Variants in GPC6 observed in about 807,000 individuals in gnomAD.
The protein encoded by GPC6 is glypican 6, also known as glypican-6.
In GPC6, 14 loss-of-function variants were observed where a neutral mutation model predicts 55.2. The observed-to-expected ratio is 0.25, with a 90% CI of 0.17 to 0.40. GPC6 has a LOEUF of 0.40. Among genes scored for constraint, GPC6 ranks in the 10% least tolerant of loss-of-function variants. GPC6 has a pLI of 1.00. For synonymous variants in GPC6, 278 were observed against 259.6 expected (o/e 1.07, Z -0.68); for missense variants, 641 against 708.5 (o/e 0.90, Z 1.08).
chr13:93,467,709 T>G (rs1878963199), intron 1 of GPC6, among the ~76,000 whole-genome samples: 1 of 149,752 alleles, frequency 6.7e-6, no homozygotes, highest in Non-Finnish European at 1.5e-5. Context: ...TTCAGCCTCC[T>G]AAGTTGTTGG....
At chr13:94,372,938 C>G (rs1004916595) in intron 6 of GPC6, among the ~76,000 whole-genome samples, 4 of 152,130 alleles carry the variant, frequency 2.6e-5, no homozygotes, top group African/African-American at 9.7e-5. Context: ...TGGGAGGCAC[C>G]CCCCAGCAGG....
At chr13:94,192,246 C>A (rs1218597851) in intron 4 of GPC6, among the ~76,000 whole-genome samples, 3 of 152,136 alleles carry the variant, frequency 2.0e-5, no homozygotes, top group African/African-American at 4.8e-5. Context: ...GCTAGTTAAT[C>A]TTTGCAGCAA....
At chr13:93,463,700 G>C (rs1050997511) in intron 1 of GPC6, among the ~76,000 whole-genome samples, 1 of 151,990 alleles carries the variant, frequency 6.6e-6, no homozygotes, top group Admixed American at 6.6e-5. Flanking sequence ...ACCACATTCT[G>C]GAACGCCTTT....
intron 1 of GPC6, among the ~76,000 whole-genome samples, chr13:93,397,209 T>A (rs1875890626): frequency 1.3e-5 from 2 of 152,216 alleles, no homozygotes; most frequent in South Asian, 4.1e-4. Flanking sequence ...ATAATTCACA[T>A]CCTGTACAGT....
chr13:93,964,630 G>T (rs1879938820), intron 3 of GPC6, among the ~76,000 whole-genome samples: 1 of 152,200 alleles, frequency 6.6e-6, no homozygotes, highest in African/African-American at 2.4e-5. Context: ...AGTGGGTAGT[G>T]CGTATAGTAA....
chr13:93,502,365 A>C (rs1468258788), intron 1 of GPC6, among the ~76,000 whole-genome samples: 3 of 152,134 alleles, frequency 2.0e-5, no homozygotes, highest in Non-Finnish European at 4.4e-5. Flanking sequence ...GTAAATAACA[A>C]TATTTTAAAT....
At chr13:94,127,003 A>G (rs1054891961) in intron 4 of GPC6, among the ~76,000 whole-genome samples, 3 of 152,120 alleles carry the variant, frequency 2.0e-5, no homozygotes, top group Non-Finnish European at 4.4e-5. Context: ...AAATTATATT[A>G]TCTCTTAAGA....
At chr13:94,163,836 C>T (rs1246391278) in intron 4 of GPC6, among the ~76,000 whole-genome samples, 1 of 152,064 alleles carries the variant, frequency 6.6e-6, no homozygotes, top group Non-Finnish European at 1.5e-5. Flanking sequence ...CTTGGAAAGG[C>T]ATTACATAAT....
chr13:93,261,732 G>A (rs558203455), intron 1 of GPC6, among the ~76,000 whole-genome samples: 1 of 152,076 alleles, frequency 6.6e-6, no homozygotes. Flanking sequence ...CATGTATTTT[G>A]CCCAGGGTTG....
chr13:93,338,228 C>T (rs563746235), intron 1 of GPC6, among the ~76,000 whole-genome samples: 3 of 152,248 alleles, frequency 2.0e-5, no homozygotes, highest in African/African-American at 7.2e-5. Context: ...AATTCACCAG[C>T]AGCTGATGAC....
intron 1 of GPC6, among the ~76,000 whole-genome samples, chr13:93,490,729 C>T (rs1746983882): frequency 8.4e-6 from 1 of 118,508 alleles, no homozygotes; most frequent in Non-Finnish European, 1.7e-5. Flanking sequence ...TCCATGTGAT[C>T]TGATTGTTCA....
chr13:93,802,697 CTGAAAA>C (rs1886413993), intron 2 of GPC6, among the ~76,000 whole-genome samples: 1 of 151,930 alleles, frequency 6.6e-6, no homozygotes, highest in East Asian at 1.9e-4. Flanking sequence ...CATGCTGGGG[CTGAAAA>C]TAACCTTTTA....
chr13:93,730,229 G>A (rs1883775212), intron 2 of GPC6, among the ~76,000 whole-genome samples: 1 of 152,030 alleles, frequency 6.6e-6, no homozygotes, highest in South Asian at 2.1e-4. Flanking sequence ...CTCCTACCAG[G>A]TCCTCTCCTA....
intron 6 of GPC6, among the ~76,000 whole-genome samples, chr13:94,335,594 T>G (rs571907656): frequency 9.4e-6 from 1 of 106,378 alleles, no homozygotes; most frequent in South Asian, 2.6e-4. Flanking sequence ...AAACACTGTT[T>G]TAGAATGAAT....
rs1435045633 is a variant in GPC6, at chr13:93,789,630, T to C, written c.320-40524T>C. Reference sequence around the variant, plus strand: ...ATATATATATATATATATATATATATATATATATATATATAGTATTCGGTT... The same window carrying C: ...ATATATATATATATATATATATATACATATATATATATATAGTATTCGGTT... On this transcript the variant is annotated intron_variant, in intron 2 of 8. Coordinates refer to ENST00000377047, the MANE Select transcript of GPC6 (RefSeq NM_005708.5). Among the ~76,000 whole-genome samples the C allele has an allele frequency of 2.2e-4, 18 of 80,494 alleles. 2 individuals are homozygous for C. The highest frequency in any genetic ancestry group is 8.4e-4 in the African/African-American group (17 of 20,354). The allele number at this position is 80,494 out of a possible 152,430, so 52.8% of individuals were successfully genotyped here.
At chr13:93,314,759 A>G (rs61965671) in intron 1 of GPC6, among the ~76,000 whole-genome samples, 89,445 of 149,136 alleles carry the variant, frequency 0.6, 26,640 homozygotes, top group East Asian at 0.78. Flanking sequence ...GTGTGTGTGC[A>G]CGCATGTGCT....
At chr13:93,728,088 G>A (rs1043812794) in intron 2 of GPC6, among the ~76,000 whole-genome samples, 5 of 152,112 alleles carry the variant, frequency 3.3e-5, no homozygotes, top group African/African-American at 9.7e-5. Context: ...CTGTGGAGAA[G>A]CTTCCTTGAC....
intron 4 of GPC6, among the ~76,000 whole-genome samples, chr13:94,098,575 A>C (rs928858428): frequency 6.6e-6 from 1 of 152,180 alleles, no homozygotes; most frequent in African/African-American, 2.4e-5. Flanking sequence ...TCCATTAAAT[A>C]GGTCCATTTA....
chr13:93,830,585 G>A, intron 3 of GPC6, 40 bp downstream of exon 3: 1 of 432,992 alleles, frequency 2.3e-6, no homozygotes, highest in Non-Finnish European at 3.7e-6. Flanking sequence ...GGTGTTCCTT[G>A]TTTATTCTGT....
Sources: allele counts gnomAD v4.1 joint callset (sites outside exome capture counted in the v4.1 genomes callset), GRCh38; gene constraint gnomAD v4.1.1; transcripts MANE v1.5; gene names NCBI Gene and HGNC (gene_info 2026-07-23, HGNC 2026-07-21).